ADK: variants seen among roughly 807,000 people sequenced by gnomAD.
ADK encodes the protein N6,N6-dimethyladenosine kinase.
A neutral mutation model predicts 44.7 loss-of-function variants in ADK; 24 were observed. That is an observed-to-expected ratio of 0.54 (90% CI 0.39 to 0.76). The LOEUF is 0.76. ADK is among the 30% of genes least tolerant of loss of function. ADK has a pLI of 0.00. For synonymous variants in ADK, 128 were observed against 142.6 expected, an observed-to-expected ratio of 0.90 and a Z score of 0.73; for missense variants, 321 against 425.1, an observed-to-expected ratio of 0.76 and a Z score of 2.15.
chr10:74,163,412 A>G (rs538582070), intron 1 of ADK, among the ~76,000 whole-genome samples: 3 of 152,328 alleles, frequency 2.0e-5, no homozygotes, highest in African/African-American at 7.2e-5. Flanking sequence ...TGTTAGAATG[A>G]TGAATCTCTT....
At chr10:74,598,233 G>A (rs1851989365) in intron 8 of ADK, among the ~76,000 whole-genome samples, 1 of 152,106 alleles carries the variant, frequency 6.6e-6, no homozygotes, top group Non-Finnish European at 1.5e-5. Context: ...ACAGAGGAGA[G>A]GAATTACTGT....
chr10:74,656,718 G>C (rs1222269233), intron 9 of ADK, among the ~76,000 whole-genome samples: 3 of 152,160 alleles, frequency 2.0e-5, no homozygotes, highest in Non-Finnish European at 4.4e-5. Flanking sequence ...AGGATTACAT[G>C]GGATATTATA....
chr10:74,292,592 C>T (rs887593055), intron 3 of ADK, among the ~76,000 whole-genome samples: 4 of 152,158 alleles, frequency 2.6e-5, no homozygotes, highest in African/African-American at 9.7e-5. Context: ...CCTGTTCCAC[C>T]TGCAGCCCTC....
chr10:74,663,555 G>A (rs971234751), intron 9 of ADK, among the ~76,000 whole-genome samples: 5 of 152,046 alleles, frequency 3.3e-5, no homozygotes, highest in African/African-American at 9.7e-5. Flanking sequence ...TGGAACTACA[G>A]TAAGAATTGA....
At chr10:74,295,394 G>A (rs967468794) in intron 3 of ADK, among the ~76,000 whole-genome samples, 4 of 151,832 alleles carry the variant, frequency 2.6e-5, no homozygotes, top group Admixed American at 6.6e-5. Context: ...CCTGAGAGGC[G>A]GAGGTGGCAG....
chr10:74,451,617 CA>C (rs1246629293), intron 6 of ADK, among the ~76,000 whole-genome samples: 1 of 152,086 alleles, frequency 6.6e-6, no homozygotes, highest in Non-Finnish European at 1.5e-5. Flanking sequence ...GCCAGCAATT[CA>C]GAAAGAAAGG....
At chr10:74,329,477 T>C (rs538355578) in intron 4 of ADK, among the ~76,000 whole-genome samples, 5 of 152,236 alleles carry the variant, frequency 3.3e-5, no homozygotes, top group African/African-American at 4.8e-5. Flanking sequence ...CCTTGGCTTA[T>C]AGACTTCACT....
intron 6 of ADK, among the ~76,000 whole-genome samples, chr10:74,443,119 A>G (rs1013939980): frequency 3.3e-5 from 5 of 152,150 alleles, no homozygotes; most frequent in African/African-American, 1.2e-4. Context: ...GTTTATAATT[A>G]TGTATTGTAT....
At chr10:74,637,416 T>G (rs17685047) in intron 9 of ADK, among the ~76,000 whole-genome samples, 1,703 of 152,338 alleles carry the variant, frequency 0.011, 15 homozygotes, top group Non-Finnish European at 0.017. Context: ...AAAACAGAAT[T>G]GCAGAATTGC....
intron 4 of ADK, among the ~76,000 whole-genome samples, chr10:74,364,372 T>C (rs1842433096): frequency 6.6e-6 from 1 of 152,202 alleles, no homozygotes; most frequent in East Asian, 1.9e-4. Context: ...TTCACACTTC[T>C]TTATCTCTGA....
At chr10:74,274,732 G>GTATATATATATATCTATATA (rs1846595123) in intron 3 of ADK, among the ~76,000 whole-genome samples, 1 of 84,170 alleles carries the variant, frequency 1.2e-5, no homozygotes, top group Admixed American at 1.3e-4. Context: ...TTTAATGTGT[G>GTATATATATATATCTATATA]TATATATATA....
chr10:74,453,618 A>G (rs1289831889), intron 6 of ADK, among the ~76,000 whole-genome samples: 1 of 152,024 alleles, frequency 6.6e-6, no homozygotes, highest in Non-Finnish European at 1.5e-5. Context: ...TTACTTCATC[A>G]TTTTATGATT....
At chr10:74,228,392 A>G (rs774627835) in intron 3 of ADK, among the ~76,000 whole-genome samples, 1 of 152,228 alleles carries the variant, frequency 6.6e-6, no homozygotes, top group Admixed American at 6.5e-5. Flanking sequence ...TGTTCTATAC[A>G]TGATCCAGTA....
chr10:74,415,993 T>G (rs1286210333), intron 6 of ADK, among the ~76,000 whole-genome samples: 2 of 149,878 alleles, frequency 1.3e-5, no homozygotes, highest in Non-Finnish European at 3.0e-5. Flanking sequence ...TATATAAATA[T>G]ATATATACAT....
At chr10:74,308,466 A>G (rs1376411542) in intron 3 of ADK, among the ~76,000 whole-genome samples, 1 of 152,190 alleles carries the variant, frequency 6.6e-6, no homozygotes, top group Non-Finnish European at 1.5e-5. Flanking sequence ...TTAAAACCTC[A>G]CTAAACATTT....
intron 2 of ADK, among the ~76,000 whole-genome samples, chr10:74,220,463 C>G (rs1227921765): frequency 6.6e-6 from 1 of 151,976 alleles, no homozygotes; most frequent in Non-Finnish European, 1.5e-5. Flanking sequence ...TGGTACCATT[C>G]CTTCTGAAAC....
intron 6 of ADK, among the ~76,000 whole-genome samples, chr10:74,469,924 C>T (rs1183178597): frequency 6.6e-6 from 1 of 151,978 alleles, no homozygotes; most frequent in Non-Finnish European, 1.5e-5. Context: ...ACTTCCCTTA[C>T]CATGATGTCC....
At chr10:74,392,951 C>T (rs1284766500) in intron 4 of ADK, among the ~76,000 whole-genome samples, 2 of 151,884 alleles carry the variant, frequency 1.3e-5, no homozygotes, top group Non-Finnish European at 2.9e-5. Context: ...ATAATTTAAT[C>T]GACTGATCTT....
At chr10:74,634,591 G>C (rs1853558198) in intron 9 of ADK, among the ~76,000 whole-genome samples, 1 of 152,070 alleles carries the variant, frequency 6.6e-6, no homozygotes, top group African/African-American at 2.4e-5. Flanking sequence ...AATATGACAA[G>C]GAGCAAACTT....
Sources: allele counts gnomAD v4.1 joint callset (sites outside exome capture counted in the v4.1 genomes callset), GRCh38; gene constraint gnomAD v4.1.1; transcripts MANE v1.5; gene names NCBI Gene and HGNC (gene_info 2026-07-23, HGNC 2026-07-21).